Variants in COPA observed in about 807,000 individuals in gnomAD.
COPA encodes coatomer subunit alpha.
Under a neutral mutation model 158.7 loss-of-function variants are expected in COPA, and 10 were observed. The observed-to-expected ratio is 0.06, with a 90% CI of 0.04 to 0.11. The LOEUF is 0.11. COPA is among the 10% of genes least tolerant of loss of function. The probability of loss-of-function intolerance (pLI) is 1.00; values close to 1 mark genes in which losing one functional copy is unlikely to be tolerated. For missense variants in COPA, 1,065 were observed against 1,536.7 expected (o/e 0.69, Z 5.13); for synonymous variants, 462 against 542.8 (o/e 0.85, Z 2.07).
intron 25 of COPA, among the ~76,000 whole-genome samples, chr1:160,294,275 G>A (rs905448164): frequency 6.6e-6 from 1 of 152,190 alleles, no homozygotes. Flanking sequence ...TTACAGGCAT[G>A]AGTCACCGTG....
Position 160,299,092 on chromosome 1 carries a change from C to T in COPA, c.1830+10G>A. ...CTCTTAATACTCTAGTTTGCATCCT[C>T]ACTTCATACCTCATCATATTTTCTG... On this transcript the variant is annotated intron_variant, in intron 18 of 32. Transcript: ENST00000241704. 2 of 1,609,974 alleles carry T rather than the reference C, an allele frequency of 1.2e-6. No individual in the cohort carries two copies. The highest frequency in any genetic ancestry group is 1.7e-6 in the Non-Finnish European group (2 of 1,176,968).
chr1:160,335,223 C>A lies in COPA; in HGVS notation c.309+19G>T. ...GAAACTAAGAATGCTCCAAAACTAGCGCCACCATGACTACTTACATGATGA... is the reference window on the plus strand; with the variant it reads ...GAAACTAAGAATGCTCCAAAACTAGAGCCACCATGACTACTTACATGATGA... On this transcript the variant is annotated intron_variant, in intron 4 of 32. Transcript: ENST00000241704. 2 of 1,589,376 alleles carry A rather than the reference C, an allele frequency of 1.3e-6. No homozygotes were observed. The highest frequency in any genetic ancestry group is 1.2e-5 in the South Asian group (1 of 86,242).
At chr1:160,342,524 T>C (rs1212780901) in intron 1 of COPA, among the ~76,000 whole-genome samples, 1 of 152,172 alleles carries the variant, frequency 6.6e-6, no homozygotes, top group East Asian at 1.9e-4. Context: ...TAAAAAACTA[T>C]TCATTGTTTA....
At chr1:160,334,581 T>C (rs1011379731) in intron 4 of COPA, among the ~76,000 whole-genome samples, 6 of 151,934 alleles carry the variant, frequency 3.9e-5, no homozygotes, top group Non-Finnish European at 5.9e-5. Context: ...CAGTAAATTG[T>C]TTATTTCATC....
At chr1:160,322,101 GA>G (rs950288944) in intron 8 of COPA, among the ~76,000 whole-genome samples, 2 of 151,794 alleles carry the variant, frequency 1.3e-5, no homozygotes, top group African/African-American at 4.8e-5. Context: ...CACAGAAACA[GA>G]AAAAAAATCC....
intron 10 of COPA, 105 bp downstream of exon 10, chr1:160,312,980 T>A: frequency 9.8e-7 from 1 of 1,020,818 alleles, no homozygotes; most frequent in East Asian, 2.5e-5. Flanking sequence ...TCCTTCTTCT[T>A]CTTGTCATCC....
intron 6 of COPA, among the ~76,000 whole-genome samples, chr1:160,327,399 T>C (rs889179396): frequency 3.7e-5 from 5 of 136,636 alleles, no homozygotes; most frequent in South Asian, 2.3e-4. Flanking sequence ...TAGTCGGGCA[T>C]GACGGCGCAT....
At chr1:160,306,534 G>A (rs1234710009) in intron 14 of COPA, 41 bp from the exon 15 acceptor site, 2 of 1,609,978 alleles carry the variant, frequency 1.2e-6, no homozygotes, top group East Asian at 2.2e-5. Flanking sequence ...GAAGAAATGT[G>A]TATAGATGAT....
intron 13 of COPA, among the ~76,000 whole-genome samples, chr1:160,308,233 G>T (rs981868195): frequency 2.0e-5 from 3 of 151,130 alleles, no homozygotes; most frequent in Admixed American, 6.6e-5. Flanking sequence ...GATTTAGTCA[G>T]AAATGGCTTA....
Position 160,294,610 on chromosome 1 carries a change from A to G in COPA, c.2567-17T>C. The G allele has an allele frequency of 6.2e-7, 1 of 1,613,586 alleles. No homozygotes were observed. The highest frequency in any genetic ancestry group is 8.5e-7 in the Non-Finnish European group (1 of 1,179,456). ...CAAACCCATCTGTAAGGAAAATTCA[A>G]GCTCAAAACAGATTTGGGCAGTGGC... On this transcript the variant is annotated splice_polypyrimidine_tract_variant and intron_variant, in intron 24 of 32. Transcript: ENST00000241704.
intron 14 of COPA, among the ~76,000 whole-genome samples, chr1:160,306,915 G>A (rs375784242): frequency 5.3e-5 from 8 of 152,180 alleles, no homozygotes; most frequent in Admixed American, 4.6e-4. Flanking sequence ...TTGGGCTCCT[G>A]TAGTCAAGAG....
chr1:160,338,648 A>C (rs1222067263), intron 3 of COPA, among the ~76,000 whole-genome samples: 1 of 152,164 alleles, frequency 6.6e-6, no homozygotes, highest in East Asian at 1.9e-4. Flanking sequence ...TTTCACACTA[A>C]GGCCTTCCAA....
intron 9 of COPA, 152 bp downstream of exon 9, chr1:160,313,838 G>A: frequency 1.6e-6 from 1 of 616,628 alleles, no homozygotes; most frequent in East Asian, 3.4e-5. Context: ...ATTTGTAAAT[G>A]TTGACTGATC....
chr1:160,313,355 T>C (rs1334014335), intron 9 of COPA, among the ~76,000 whole-genome samples, 188 bp from the exon 10 acceptor site: 1 of 152,046 alleles, frequency 6.6e-6, no homozygotes, highest in Non-Finnish European at 1.5e-5. Flanking sequence ...ACTTCAAAAC[T>C]GACCATATTA....
rs1658978916 is a variant in COPA at position 160,311,893 on chromosome 1, C to A, written c.1051G>T (p.Asp351Tyr). The A allele has an allele frequency of 6.2e-7, 1 of 1,613,944 alleles. No homozygotes were observed. The highest frequency in any genetic ancestry group is 8.5e-7 in the Non-Finnish European group (1 of 1,179,868). Residue 351 changes from aspartate (D) to tyrosine (Y), a missense_variant, in exon 11 of 33, where the codon GAT (aspartate) becomes TAT (tyrosine). Coordinates refer to ENST00000241704, the MANE Select transcript of COPA (RefSeq NM_004371.4). ...CTCCGCAACTGCATCACAGCTACAT[C>A]TTTGGAGCTGTTGAAATCCAGCTGT... ...LRQLDFNSSK[D>Y]VAVMQLRSGS...
intron 1 of COPA, among the ~76,000 whole-genome samples, chr1:160,341,994 G>A (rs555326619): frequency 2.6e-5 from 4 of 152,036 alleles, no homozygotes; most frequent in Non-Finnish European, 5.9e-5. Context: ...AATTCTTAAT[G>A]GTACCCATCT....
rs199897630 is a variant in COPA, at chr1:160,291,895, A to G, written c.3182T>C (p.Ile1061Thr). The change falls in exon 30 of 33, where the codon ATT becomes ACT. Residue 1061 changes from isoleucine (I) to threonine (T), a missense_variant. Ile to Thr is a moderately conservative substitution (Grantham distance 89). Transcript: ENST00000241704. Reference sequence around the variant, plus strand: ...TTCTGTCTCCACGGACAAACCCACAATGTACTCACGGCAAATGGTGATGAG... The same window carrying G: ...TTCTGTCTCCACGGACAAACCCACAGTGTACTCACGGCAAATGGTGATGAG... ...QQLITICREY[I>T]VGLSVETERK... 1 of 1,614,104 alleles carries G rather than the reference A, an allele frequency of 6.2e-7. No individual in the cohort carries two copies. Among genetic ancestry groups the G allele is most frequent in the Non-Finnish European group, 8.5e-7 (1 of 1,180,022 alleles).
chr1:160,301,617 AC>A (rs1315307198), intron 17 of COPA, among the ~76,000 whole-genome samples: 1 of 151,944 alleles, frequency 6.6e-6, no homozygotes, highest in African/African-American at 2.4e-5. Flanking sequence ...TACAAAAAAA[AC>A]AAAAATGAGC....
rs775285095 is a variant in COPA at position 160,291,436 on chromosome 1, T to C, written c.3319A>G (p.Thr1107Ala). The change falls in exon 31 of 33, where the codon ACA becomes GCA. Residue 1107 changes from threonine to alanine, a missense_variant. Around this residue, in one of 2 missense-constraint regions of COPA, gnomAD observed 980 missense variants for 1,357.8 expected, o/e 0.72. Coordinates refer to ENST00000241704, the MANE Select transcript of COPA (RefSeq NM_004371.4). Reference sequence around the variant, plus strand: ...AGCTTGAAGAACAGATTGAGGGCTGTACGCAGCACCAGGATCATGTGCACA... The same window carrying C: ...AGCTTGAAGAACAGATTGAGGGCTGCACGCAGCACCAGGATCATGTGCACA... Reference protein sequence around the residue: ...QPVHMILVLRTALNLFFKLKN... With the variant: ...QPVHMILVLRAALNLFFKLKN... The C allele has an allele frequency of 2.5e-6, 4 of 1,614,116 alleles. No homozygotes were observed. The highest frequency in any genetic ancestry group is 3.4e-6 in the Non-Finnish European group (4 of 1,180,004).
Sources: allele counts gnomAD v4.1 joint callset (sites outside exome capture counted in the v4.1 genomes callset), GRCh38; gene constraint gnomAD v4.1.1; regional missense constraint gnomAD v4.1.1; transcripts MANE v1.5; gene names NCBI Gene and HGNC (gene_info 2026-07-23, HGNC 2026-07-21).